SAE1: variants seen among roughly 807,000 people sequenced by gnomAD.
SAE1 encodes the protein SUMO-activating enzyme subunit 1.
A neutral mutation model predicts 40.6 loss-of-function variants in SAE1; 11 were observed. The ratio of observed to expected loss-of-function variants is 0.27; its 90% confidence interval spans 0.17 to 0.45. SAE1 has a LOEUF of 0.45. SAE1 is among the 20% of genes least tolerant of loss of function. The pLI, the probability that SAE1 is intolerant of heterozygous loss-of-function variation, is 1.00. For missense variants in SAE1, 373 were observed against 427.3 expected (o/e 0.87, Z 1.12); for synonymous variants, 155 against 154.3 (o/e 1.00, Z -0.03).
intron 1 of SAE1, among the ~76,000 whole-genome samples, chr19:47,137,980 C>T (rs537768736): frequency 9.2e-5 from 14 of 152,132 alleles, no homozygotes; most frequent in African/African-American, 2.6e-4. Context: ...CTGCCCACCT[C>T]GGCCTCCCAA....
chr19:47,186,188 C>T (rs1056010163), intron 6 of SAE1, among the ~76,000 whole-genome samples: 16 of 151,534 alleles, frequency 1.1e-4, no homozygotes, highest in African/African-American at 3.6e-4. Context: ...TGCGGTGAGC[C>T]GAGATCCCGC....
chr19:47,170,029 T>C (rs1352613662), intron 6 of SAE1, 106 bp downstream of exon 6: 1 of 805,502 alleles, frequency 1.2e-6, no homozygotes, highest in Admixed American at 2.0e-5. Flanking sequence ...TTGGGTGGCA[T>C]TCTTCATTGG....
chr19:47,187,227 ACCT>A (rs2058549784), intron 6 of SAE1, among the ~76,000 whole-genome samples: 1 of 151,886 alleles, frequency 6.6e-6, no homozygotes, highest in East Asian at 1.9e-4. Flanking sequence ...AAGTGTCCCT[ACCT>A]CCTCCCCCAG....
intron 6 of SAE1, among the ~76,000 whole-genome samples, chr19:47,171,886 G>A (rs1243905868): frequency 1.3e-5 from 2 of 151,288 alleles, no homozygotes; most frequent in African/African-American, 4.9e-5. Flanking sequence ...TACAGGCATG[G>A]TAGTTTTTTA....
intron 6 of SAE1, among the ~76,000 whole-genome samples, chr19:47,192,053 C>CA (rs546857201): frequency 0.024 from 2,512 of 103,964 alleles, 38 homozygotes; most frequent in African/African-American, 0.062. Flanking sequence ...GACTCTGTCT[C>CA]AAAAAAAAAA....
At chr19:47,174,870 G>A (rs1280569655) in intron 6 of SAE1, among the ~76,000 whole-genome samples, 2 of 151,582 alleles carry the variant, frequency 1.3e-5, no homozygotes, top group Non-Finnish European at 2.9e-5. Context: ...ACCGCGCCTG[G>A]CCACATTTTT....
At chr19:47,137,154 C>T (rs1008476326) in intron 1 of SAE1, among the ~76,000 whole-genome samples, 15 of 151,980 alleles carry the variant, frequency 9.9e-5, no homozygotes, top group African/African-American at 1.7e-4. Context: ...TTTGAGAGGC[C>T]GAGGTGGGTG....
intron 2 of SAE1, among the ~76,000 whole-genome samples, chr19:47,144,516 G>A (rs148674714): frequency 1.8e-4 from 28 of 151,594 alleles, no homozygotes; most frequent in Non-Finnish European, 1.6e-4. Flanking sequence ...TGGCTAGCAC[G>A]GTGAAACCCC....
intron 8 of SAE1, among the ~76,000 whole-genome samples, chr19:47,205,784 C>T (rs889504384): frequency 2.6e-5 from 4 of 152,196 alleles, no homozygotes; most frequent in East Asian, 1.9e-4. Context: ...GAGGTAGGAA[C>T]TCCTGTGATC....
chr19:47,197,115 A>T, intron 6 of SAE1, 118 bp from the exon 7 acceptor site: 1 of 961,596 alleles, frequency 1.0e-6, no homozygotes, highest in South Asian at 1.7e-5. Flanking sequence ...CGGGAGGCAG[A>T]GGTTGCAGTG....
intron 6 of SAE1, among the ~76,000 whole-genome samples, chr19:47,195,435 G>A (rs886785388): frequency 1.3e-5 from 2 of 152,132 alleles, no homozygotes; most frequent in African/African-American, 4.8e-5. Flanking sequence ...CAGTAGTTCT[G>A]ACTCACAGCC....
At chr19:47,177,047 T>C (rs1162902327) in intron 6 of SAE1, among the ~76,000 whole-genome samples, 3 of 152,218 alleles carry the variant, frequency 2.0e-5, no homozygotes, top group Non-Finnish European at 4.4e-5. Flanking sequence ...AGAAATGGAC[T>C]TCATCTCAAG....
chr19:47,178,786 A>C (rs1223470061), intron 6 of SAE1, among the ~76,000 whole-genome samples: 1 of 152,172 alleles, frequency 6.6e-6, no homozygotes, highest in Non-Finnish European at 1.5e-5. Flanking sequence ...TTTTTCTTTT[A>C]AAATGTGTTA....
In SAE1 at chr19:47,177,361, GT is replaced by G. The variant is rs752908098; in HGVS notation, c.733+7446del. Among the ~76,000 whole-genome samples, 144 of 152,058 alleles carry G rather than the reference GT, an allele frequency of 9.5e-4. 2 individuals carry two copies. Among genetic ancestry groups the G allele is most frequent in the South Asian group, 5.2e-3 (25 of 4,800 alleles). Reference sequence around the variant, plus strand: ...CATGTGTTGTTCCTGGTTTTTGTTTGTTTTTTTTCCCCCCCAAAACAGGGTC... The same window carrying G: ...CATGTGTTGTTCCTGGTTTTTGTTTGTTTTTTTCCCCCCCAAAACAGGGTC... On this transcript the variant is annotated intron_variant, in intron 6 of 8. Coordinates refer to ENST00000270225, the MANE Select transcript of SAE1 (RefSeq NM_005500.3).
chr19:47,160,213 C>CATT (rs2058350471), intron 5 of SAE1, among the ~76,000 whole-genome samples: 2 of 102,780 alleles, frequency 1.9e-5, no homozygotes. Context: ...CAAAATCCTG[C>CATT]ATTTTTTTTT....
rs1325968020 is a variant in SAE1 at position 47,181,194 on chromosome 19, T to TA, written c.733+11273dup. 1.6e-4 allele frequency among the ~76,000 whole-genome samples: 24 copies of TA among 152,042 alleles called. No individual in the cohort carries two copies. In the East Asian group the frequency reaches 4.3e-3, roughly 27 times the overall value. On this transcript the variant is annotated intron_variant, in intron 6 of 8. Transcript: ENST00000270225. ...AGCCAGGCGTGGTGGTGCATGCCTG[T>TA]AATCCCAGCTACTTGGGAAGCTGAG...
At chr19:47,160,285 G>A (rs923752510) in intron 5 of SAE1, among the ~76,000 whole-genome samples, 2 of 141,874 alleles carry the variant, frequency 1.4e-5, no homozygotes, top group African/African-American at 2.6e-5. Context: ...GCAATGGTGC[G>A]ATCTCGGCTC....
chr19:47,156,531 A>T (rs1035066173), intron 5 of SAE1, among the ~76,000 whole-genome samples: 2 of 152,060 alleles, frequency 1.3e-5, no homozygotes, highest in Non-Finnish European at 2.9e-5. Flanking sequence ...ATAACCTTTA[A>T]TAAGAAAAAT....
intron 6 of SAE1, among the ~76,000 whole-genome samples, chr19:47,171,446 C>A (rs1460852307): frequency 6.6e-6 from 1 of 151,618 alleles, no homozygotes; most frequent in African/African-American, 2.4e-5. Context: ...GCGGGCACCA[C>A]CATGCCCAGC....
Sources: gnomAD v4.1 joint callset for allele counts (sites outside exome capture counted in the v4.1 genomes callset) on GRCh38, gnomAD v4.1.1 for gene constraint, MANE v1.5 for transcripts, NCBI Gene and HGNC (gene_info 2026-07-23, HGNC 2026-07-21) for gene names.